SLCO1B1: variants seen among roughly 807,000 people sequenced by gnomAD.
The protein encoded by SLCO1B1 is OATP-2.
A neutral mutation model predicts 70.1 loss-of-function variants in SLCO1B1; 81 were observed. That is an observed-to-expected ratio of 1.16 (90% CI 0.97 to 1.39). The LOEUF is 1.39. Among genes scored for constraint, SLCO1B1 ranks in the 40% most tolerant of loss-of-function variants. The pLI, the probability that SLCO1B1 is intolerant of heterozygous loss-of-function variation, is 0.00. For synonymous variants in SLCO1B1, 283 were observed against 271.5 expected, an observed-to-expected ratio of 1.04 and a Z score of -0.42; for missense variants, 895 against 799.6, an observed-to-expected ratio of 1.12 and a Z score of -1.44.
At chr12:21,193,009 A>C (rs1941048062) in intron 7 of SLCO1B1, among the ~76,000 whole-genome samples, 1 of 152,074 alleles carries the variant, frequency 6.6e-6, no homozygotes, top group South Asian at 2.1e-4. Flanking sequence ...AAAATTTTCT[A>C]CTTTTCTTTT....
intron 2 of SLCO1B1, among the ~76,000 whole-genome samples, chr12:21,166,868 T>C (rs747985426): frequency 6.6e-6 from 1 of 152,152 alleles, no homozygotes; most frequent in Non-Finnish European, 1.5e-5. Flanking sequence ...TTATTGATAA[T>C]TGCCATAAGT....
rs1481199008 is a variant in SLCO1B1 at position 21,210,701 on chromosome 12, G to A, written c.1497+4668G>A. ...TTCTTCCTACCCATGAGCATGGAAT[G>A]TTCTTCCATTTGTTTGTATCCTCTT... On this transcript the variant is annotated intron_variant, in intron 11 of 14. Transcript: ENST00000256958. 6.6e-3 allele frequency among the ~76,000 whole-genome samples: 980 copies of A among 148,568 alleles called. 17 individuals carry two copies. The highest frequency in any genetic ancestry group is 0.023 in the African/African-American group (945 of 40,260).
At chr12:21,206,221 C>T (rs901131866) in intron 11 of SLCO1B1, among the ~76,000 whole-genome samples, 188 bp downstream of exon 11, 2 of 151,840 alleles carry the variant, frequency 1.3e-5, no homozygotes, top group African/African-American at 4.8e-5. Context: ...GCTTAGGGCA[C>T]AATCAGGTTT....
chr12:21,140,033 A>C (rs1020396030), intron 1 of SLCO1B1, among the ~76,000 whole-genome samples: 7 of 152,138 alleles, frequency 4.6e-5, no homozygotes, highest in African/African-American at 1.2e-4. Context: ...TATGTATTAA[A>C]TAAAGTGTCT....
chr12:21,219,714 T>C (rs1941399768), intron 12 of SLCO1B1, among the ~76,000 whole-genome samples: 1 of 152,154 alleles, frequency 6.6e-6, no homozygotes, highest in South Asian at 2.1e-4. Context: ...ATGAAATGAG[T>C]AAATGAAACA....
chr12:21,178,875 A>C (rs12580064), intron 6 of SLCO1B1, 47 bp from the exon 7 acceptor site: 1 of 1,431,498 alleles, frequency 7.0e-7, no homozygotes, highest in Non-Finnish European at 9.9e-7. Context: ...GTGAATAAGA[A>C]CCATGCATTC....
Position 21,239,010 on chromosome 12 carries a change from A to G in SLCO1B1, c.1897A>G (p.Arg633Gly), listed in dbSNP as rs1218449335. ...RVYLGLSSML[R>G]VSSLVLYIIL... ...CTACTTGGGCTTGTCTTCAATGTTA[A>G]GAGTCTCATCACTTGTTTTATATAT... Residue 633 changes from arginine (R) to glycine (G), a missense_variant, in exon 15 of 15, where the codon AGA becomes GGA. Transcript: ENST00000256958. 3.2e-6 allele frequency: 5 copies of G among 1,584,770 alleles called. No homozygotes were observed. The highest frequency in any genetic ancestry group is 4.3e-6 in the Non-Finnish European group (5 of 1,156,134).
chr12:21,218,496 T>C (rs1222661065), intron 12 of SLCO1B1, among the ~76,000 whole-genome samples: 2 of 152,170 alleles, frequency 1.3e-5, no homozygotes, highest in Non-Finnish European at 2.9e-5. Context: ...TTGTTAACAT[T>C]AGTATCAACC....
intron 9 of SLCO1B1, 111 bp from the exon 10 acceptor site, chr12:21,202,380 A>T: frequency 1.2e-5 from 9 of 739,688 alleles, no homozygotes; most frequent in South Asian, 5.7e-5. Flanking sequence ...GTAAAATTTT[A>T]AAAAGAAGCA....
At chr12:21,148,297 G>T (rs1940415486) in intron 2 of SLCO1B1, among the ~76,000 whole-genome samples, 1 of 152,150 alleles carries the variant, frequency 6.6e-6, no homozygotes, top group African/African-American at 2.4e-5. Flanking sequence ...CCTATGTCCT[G>T]AATGGTATTG....
intron 7 of SLCO1B1, among the ~76,000 whole-genome samples, chr12:21,187,171 G>A (rs1479367507): frequency 6.6e-6 from 1 of 152,066 alleles, no homozygotes; most frequent in African/African-American, 2.4e-5. Flanking sequence ...AGGCAGGAAG[G>A]GATGAGGTAA....
At chr12:21,174,858 G>A in intron 4 of SLCO1B1, 149 bp downstream of exon 4, 1 of 734,902 alleles carries the variant, frequency 1.4e-6, no homozygotes, top group Non-Finnish European at 2.2e-6. Context: ...GTGTCTATTT[G>A]TCTACATAAT....
chr12:21,150,260 G>C lies in SLCO1B1; in HGVS notation c.84+8602G>C, dbSNP rs1487048579. On this transcript the variant is annotated intron_variant, in intron 2 of 14. Transcript: ENST00000256958. ...CACCTGGGAGAAGGGGCAGCTGTGGGCGCAGCTTCAGCAGACTTAAACTAT... is the reference window on the plus strand; with the variant it reads ...CACCTGGGAGAAGGGGCAGCTGTGGCCGCAGCTTCAGCAGACTTAAACTAT... 2.0e-5 allele frequency among the ~76,000 whole-genome samples: 3 copies of C among 152,108 alleles called. 1 individual carries two copies. The highest frequency in any genetic ancestry group is 7.2e-5 in the African/African-American group (3 of 41,432).
intron 8 of SLCO1B1, among the ~76,000 whole-genome samples, chr12:21,199,828 T>C (rs1363579321): frequency 6.6e-6 from 1 of 152,072 alleles, no homozygotes; most frequent in Non-Finnish European, 1.5e-5. Context: ...AGATGGAGTC[T>C]TGTTGCTCTA....
At position 21,200,790 on chromosome 12, in the gene SLCO1B1, T is replaced by G. The variant is rs191312515; in HGVS notation, c.1135+118T>G. The stretch of plus-strand genomic sequence containing the variant: ...TTTTAGTAATACAGGATAAGTATAA[T>G]TTTCTTGTATTCTTTCTCAAATGTT... On this transcript the variant is annotated intron_variant, in intron 9 of 14. Coordinates refer to ENST00000256958, the MANE Select transcript of SLCO1B1 (RefSeq NM_006446.5). 8.6e-5 allele frequency: 68 copies of G among 790,610 alleles called. No homozygotes were observed. The African/African-American group carries it at 1.0e-3, about 12-fold the overall frequency. 49.0% of individuals were successfully genotyped at this position (790,610 alleles called of 1,614,324 possible). A position where few individuals can be genotyped will look rare whatever the true frequency, so the allele number is the denominator to read the frequency against.
At position 21,141,529 on chromosome 12, in the gene SLCO1B1, T is replaced by G; in HGVS notation, c.-46T>G. The G allele has an allele frequency of 8.8e-7, 1 of 1,139,042 alleles. No individual in the cohort carries two copies. The allele number at this position is 1,139,042 out of a possible 1,614,324, so 70.6% of individuals were successfully genotyped here. On this transcript the variant is annotated 5_prime_UTR_variant, in exon 2 of 15. Transcript: ENST00000256958. ...TCCTTAATAGGTGATTGTTTCAAAC[T>G]GAGCATCAACAACAAAAACATTTGT...
intron 14 of SLCO1B1, among the ~76,000 whole-genome samples, chr12:21,229,378 T>C (rs757970141): frequency 1.3e-5 from 2 of 152,218 alleles, no homozygotes; most frequent in African/African-American, 2.4e-5. Context: ...CTAAAAATCC[T>C]CTGCTCTGCC....
chr12:21,163,011 T>C (rs1402010179), intron 2 of SLCO1B1, among the ~76,000 whole-genome samples: 1 of 152,134 alleles, frequency 6.6e-6, no homozygotes, highest in African/African-American at 2.4e-5. Context: ...AAAAGCTGTA[T>C]TTCTCATTAG....
intron 4 of SLCO1B1, 106 bp from the exon 5 acceptor site, chr12:21,176,670 G>A: frequency 2.3e-6 from 2 of 882,036 alleles, no homozygotes; most frequent in Non-Finnish European, 3.7e-6. Flanking sequence ...TGGTAATTTG[G>A]GGAAGATAAT....
Sources: gnomAD v4.1 joint callset for allele counts (sites outside exome capture counted in the v4.1 genomes callset) on GRCh38, gnomAD v4.1.1 for gene constraint, MANE v1.5 for transcripts, NCBI Gene and HGNC (gene_info 2026-07-23, HGNC 2026-07-21) for gene names.